Variants in ANKRD55 observed in about 807,000 individuals in gnomAD.
ANKRD55 encodes the protein ankyrin repeat domain-containing protein 55.
Under a neutral mutation model 60.6 loss-of-function variants are expected in ANKRD55, and 41 were observed. The observed-to-expected ratio is 0.68, with a 90% CI of 0.53 to 0.88. The LOEUF is 0.88. Ranked by LOEUF, ANKRD55 falls within the 40% of genes least tolerant of loss-of-function variation. The pLI is 0.00. For missense variants in ANKRD55, 732 were observed against 767.6 expected (o/e 0.95, Z 0.55); for synonymous variants, 264 against 290.3 (o/e 0.91, Z 0.92).
At position 56,100,087 on chromosome 5, in the gene ANKRD55, C is replaced by A. The variant is rs970913691; in HGVS notation, c.*96G>T. 1.3e-6 allele frequency: 2 copies of A among 1,534,652 alleles called. No homozygotes were observed. The highest frequency in any genetic ancestry group is 2.7e-5 in the African/African-American group (2 of 73,198). On this transcript the variant is annotated 3_prime_UTR_variant, in exon 12 of 12. Transcript: ENST00000341048. ...CTGATGGCTTATAGAATGCAGCTTA[C>A]TAAATTGGTCTTCGTTCTTACAAAC...
chr5:56,193,296 T>G, intron 2 of ANKRD55: 1 of 1,072,980 alleles, frequency 9.3e-7, no homozygotes, highest in Non-Finnish European at 1.3e-6. Context: ...ATGGAAATTA[T>G]AAATGTAGAA....
chr5:56,103,217 T>G (rs1351422314), intron 10 of ANKRD55, among the ~76,000 whole-genome samples: 1 of 152,210 alleles, frequency 6.6e-6, no homozygotes, highest in Non-Finnish European at 1.5e-5. Context: ...GGTGTGTGCA[T>G]GGACCATGTG....
intron 2 of ANKRD55, among the ~76,000 whole-genome samples, chr5:56,219,288 A>AAAAAG (rs1554044154): frequency 3.7e-4 from 55 of 150,470 alleles, no homozygotes; most frequent in African/African-American, 1.2e-3. Flanking sequence ...AAAAAAAAAA[A>AAAAAG]AAAAGAAAAA....
At chr5:56,139,314 C>T (rs1757693007) in intron 7 of ANKRD55, among the ~76,000 whole-genome samples, 1 of 152,044 alleles carries the variant, frequency 6.6e-6, no homozygotes, top group Non-Finnish European at 1.5e-5. Flanking sequence ...AAGCTCTGTT[C>T]TGGGTGTTGA....
chr5:56,197,933 A>C (rs1180149726), intron 2 of ANKRD55, among the ~76,000 whole-genome samples: 1 of 152,196 alleles, frequency 6.6e-6, no homozygotes, highest in African/African-American at 2.4e-5. Context: ...GCACTTTTGT[A>C]CTTGAAAGAA....
chr5:56,205,064 C>CTTT (rs144913758), intron 2 of ANKRD55, among the ~76,000 whole-genome samples: 2 of 151,128 alleles, frequency 1.3e-5, no homozygotes, highest in African/African-American at 2.4e-5. Flanking sequence ...TCTTTTCTTT[C>CTTT]TTTTTTTTTC....
chr5:56,183,772 G>T, intron 2 of ANKRD55, 138 bp from the exon 3 acceptor site: 2 of 1,082,812 alleles, frequency 1.8e-6, no homozygotes, highest in Non-Finnish European at 2.6e-6. Context: ...GGTCATCCTG[G>T]CTACACACTC....
In ANKRD55 at chr5:56,106,420, C is replaced by CTTTTTT. The variant is rs71602938; in HGVS notation, c.1631-3840_1631-3835dup. On this transcript the variant is annotated intron_variant, in intron 10 of 11. Transcript: ENST00000341048. ...AATAAAATCCGTAAGGCTAGGAAAGCTTTTTTTTTTTTTTTTTTTTTTTGA... is the reference window on the plus strand; with the variant it reads ...AATAAAATCCGTAAGGCTAGGAAAGCTTTTTTTTTTTTTTTTTTTTTTTTTTTTTGA... Among the ~76,000 whole-genome samples, 25 of 96,918 alleles carry CTTTTTT rather than the reference C, an allele frequency of 2.6e-4. 2 individuals are homozygous for CTTTTTT. The highest frequency in any genetic ancestry group is 6.4e-4 in the African/African-American group (11 of 17,138). The allele number at this position is 96,918 out of a possible 152,430, so 63.6% of individuals were successfully genotyped here. A position where few individuals can be genotyped will look rare whatever the true frequency, so the allele number is the denominator to read the frequency against.
At chr5:56,175,093 C>A (rs1451226854) in intron 4 of ANKRD55, among the ~76,000 whole-genome samples, 1 of 152,182 alleles carries the variant, frequency 6.6e-6, no homozygotes, top group Non-Finnish European at 1.5e-5. Flanking sequence ...AATTTCTTCC[C>A]AGATTTGCAT....
chr5:56,154,045 A>G lies in ANKRD55; in HGVS notation c.483+5788T>C, dbSNP rs372981608. On this transcript the variant is annotated intron_variant, in intron 6 of 11. Coordinates refer to ENST00000341048, the MANE Select transcript of ANKRD55 (RefSeq NM_024669.3). Reference sequence around the variant, plus strand: ...GCTAACACAGTGAAACCCCGTCTCTACTAAAAATACAAAAAAAATTAGCTG... The same window carrying G: ...GCTAACACAGTGAAACCCCGTCTCTGCTAAAAATACAAAAAAAATTAGCTG... Among the ~76,000 whole-genome samples the G allele has an allele frequency of 2.8e-3, 424 of 149,966 alleles. 3 individuals carry two copies. The highest frequency in any genetic ancestry group is 0.01 in the African/African-American group (413 of 40,746).
At chr5:56,183,330 A>G (rs1758891041) in intron 3 of ANKRD55, among the ~76,000 whole-genome samples, 182 bp downstream of exon 3, 1 of 152,184 alleles carries the variant, frequency 6.6e-6, no homozygotes, top group South Asian at 2.1e-4. Context: ...CATTCATACA[A>G]AGATATTGAA....
At chr5:56,194,068 A>G (rs1759172415) in intron 2 of ANKRD55, among the ~76,000 whole-genome samples, 1 of 152,194 alleles carries the variant, frequency 6.6e-6, no homozygotes, top group African/African-American at 2.4e-5. Context: ...CTGTAATCCC[A>G]GCACTTTGGG....
intron 2 of ANKRD55, among the ~76,000 whole-genome samples, chr5:56,204,001 T>C (rs1561291299): frequency 6.6e-6 from 1 of 152,194 alleles, no homozygotes; most frequent in East Asian, 1.9e-4. Flanking sequence ...GCACCTGTTG[T>C]GTTTTTTTAA....
chr5:56,129,577 T>C (rs1409731931), intron 7 of ANKRD55, among the ~76,000 whole-genome samples: 4 of 152,188 alleles, frequency 2.6e-5, no homozygotes, highest in Admixed American at 1.3e-4. Context: ...ATAATTTTGC[T>C]ACGGGCAGAT....
chr5:56,171,610 C>T (rs577728794), intron 4 of ANKRD55, among the ~76,000 whole-genome samples: 7 of 152,268 alleles, frequency 4.6e-5, no homozygotes, highest in South Asian at 2.1e-4. Flanking sequence ...ATGTCTCCTA[C>T]GTTCATCCAG....
intron 7 of ANKRD55, chr5:56,127,686 G>A (rs149521620): frequency 1.8e-4 from 92 of 502,410 alleles, no homozygotes; most frequent in African/African-American, 1.7e-3. Context: ...ATCAGACTTC[G>A]TTTACAAAAA....
chr5:56,185,865 C>A (rs1758961003), intron 2 of ANKRD55, among the ~76,000 whole-genome samples: 1 of 152,120 alleles, frequency 6.6e-6, no homozygotes, highest in Non-Finnish European at 1.5e-5. Context: ...CCTGTCTGTC[C>A]CCAAAGGAAC....
intron 6 of ANKRD55, among the ~76,000 whole-genome samples, chr5:56,154,580 T>A: frequency 8.1e-6 from 1 of 123,300 alleles, no homozygotes; most frequent in Middle Eastern, 4.1e-3. Flanking sequence ...GATTTAGTTT[T>A]AAAGTTTTTT....
At chr5:56,188,052 C>G (rs564440437) in intron 2 of ANKRD55, among the ~76,000 whole-genome samples, 10 of 152,188 alleles carry the variant, frequency 6.6e-5, no homozygotes, top group African/African-American at 9.7e-5. Flanking sequence ...TACTTCCTCT[C>G]CTCTTCTAGC....
Sources: allele counts gnomAD v4.1 joint callset (sites outside exome capture counted in the v4.1 genomes callset), GRCh38; gene constraint gnomAD v4.1.1; transcripts MANE v1.5; gene names NCBI Gene and HGNC (gene_info 2026-07-23, HGNC 2026-07-21).